SHC3: variants seen among roughly 807,000 people sequenced by gnomAD.
The protein encoded by SHC3 is SHC adaptor protein 3, also known as SHC-transforming protein 3.
A neutral mutation model predicts 60.4 loss-of-function variants in SHC3; 15 were observed. The observed-to-expected ratio is 0.25, with a 90% CI of 0.17 to 0.38. The LOEUF (loss-of-function observed/expected upper bound fraction) is 0.38. SHC3 is among the 10% of genes least tolerant of loss of function. SHC3 has a pLI of 1.00. For missense variants in SHC3, 677 were observed against 786.1 expected (o/e 0.86, Z 1.66); for synonymous variants, 294 against 325.9 (o/e 0.90, Z 1.05).
chr9:89,027,703 G>C (rs7043366), intron 11 of SHC3, among the ~76,000 whole-genome samples: 1 of 152,156 alleles, frequency 6.6e-6, no homozygotes, highest in African/African-American at 2.4e-5. Flanking sequence ...AAAAAGGACA[G>C]TGCAGGAATT....
chr9:89,155,434 G>A (rs1314810399), intron 1 of SHC3, among the ~76,000 whole-genome samples: 1 of 152,108 alleles, frequency 6.6e-6, no homozygotes, highest in Non-Finnish European at 1.5e-5. Flanking sequence ...TGGTCTTGGG[G>A]GTCTCAGCTC....
At chr9:89,059,956 G>A (rs944965975) in intron 6 of SHC3, among the ~76,000 whole-genome samples, 1 of 147,628 alleles carries the variant, frequency 6.8e-6, no homozygotes, top group African/African-American at 2.5e-5. Context: ...AGTGAAGGAC[G>A]CAGTGGAGGA....
rs867619488 is a variant in SHC3, at chr9:89,057,319, T to C, written c.836-5156A>G. ...ATTGATCCAGTTTTCCTTTTTCTTT[T>C]TTTTTTTTTTTTTTTTAATCAGAGA... On this transcript the variant is annotated intron_variant, in intron 6 of 11. Transcript: ENST00000375835. Among the ~76,000 whole-genome samples, 171 of 87,716 alleles carry C rather than the reference T, an allele frequency of 1.9e-3. No individual in the cohort carries two copies. In the Middle Eastern group the frequency reaches 0.049, roughly 25 times the overall value. The allele number at this position is 87,716 out of a possible 152,430, so 57.5% of individuals were successfully genotyped here.
chr9:89,021,409 C>G (rs757547285), intron 11 of SHC3, among the ~76,000 whole-genome samples: 4 of 152,180 alleles, frequency 2.6e-5, no homozygotes, highest in Admixed American at 6.5e-5. Flanking sequence ...TCAATGTCCC[C>G]ACAGCCATGA....
intron 5 of SHC3, among the ~76,000 whole-genome samples, chr9:89,068,118 T>C (rs912000619): frequency 3.3e-5 from 5 of 152,180 alleles, no homozygotes; most frequent in African/African-American, 1.2e-4. Context: ...CAAAACAATA[T>C]TCTTGTCATC....
At chr9:89,048,273 C>T (rs75444696) in intron 7 of SHC3, among the ~76,000 whole-genome samples, 3,358 of 146,404 alleles carry the variant, frequency 0.023, 60 homozygotes, top group Non-Finnish European at 0.036. Flanking sequence ...AAGTACCCAA[C>T]TGTCCATAAA....
rs200111765 is a variant in SHC3, at chr9:89,130,192, G to C, written c.475-17566C>G. Reference sequence around the variant, plus strand: ...GAAGGCCATTACATAATGGTAAAGGGATCAATTCAACAAGAAGAGCTAACT... The same window carrying C: ...GAAGGCCATTACATAATGGTAAAGGCATCAATTCAACAAGAAGAGCTAACT... On this transcript the variant is annotated intron_variant, in intron 1 of 11. Transcript: ENST00000375835. Among the ~76,000 whole-genome samples, 15 of 152,252 alleles carry C rather than the reference G, an allele frequency of 9.9e-5. No individual in the cohort carries two copies. The East Asian group carries it at 2.9e-3, about 29-fold the overall frequency.
At chr9:89,016,211 A>T (rs1161792665) in intron 11 of SHC3, among the ~76,000 whole-genome samples, 1 of 152,152 alleles carries the variant, frequency 6.6e-6, no homozygotes, top group Non-Finnish European at 1.5e-5. Context: ...AAGAAAGAAA[A>T]GAGGGGACCC....
chr9:89,089,646 CT>C (rs539177682), intron 2 of SHC3, among the ~76,000 whole-genome samples: 343 of 152,316 alleles, frequency 2.3e-3, no homozygotes, highest in African/African-American at 7.8e-3. Flanking sequence ...AGAGGAGGGT[CT>C]TAACTCTTCC....
chr9:89,171,862 C>T (rs1403800596), intron 1 of SHC3, among the ~76,000 whole-genome samples: 1 of 152,196 alleles, frequency 6.6e-6, no homozygotes, highest in African/African-American at 2.4e-5. Context: ...GTGGTATCTG[C>T]CAGACCAGCT....
At chr9:89,044,108 T>C (rs1222519148) in intron 9 of SHC3, among the ~76,000 whole-genome samples, 3 of 152,238 alleles carry the variant, frequency 2.0e-5, no homozygotes, top group African/African-American at 7.2e-5. Flanking sequence ...ATAAACCTGA[T>C]ATATTTTACA....
chr9:89,041,446 A>G (rs1437819022), intron 10 of SHC3, among the ~76,000 whole-genome samples: 1 of 152,230 alleles, frequency 6.6e-6, no homozygotes, highest in Admixed American at 6.5e-5. Flanking sequence ...CATCAAGTAG[A>G]ATAGTATTTG....
intron 2 of SHC3, among the ~76,000 whole-genome samples, chr9:89,098,147 G>T (rs777270939): frequency 3.3e-5 from 5 of 152,006 alleles, no homozygotes; most frequent in Non-Finnish European, 7.4e-5. Context: ...TAAAATTGAG[G>T]GAAATTCTAT....
chr9:89,120,840 G>A (rs1205465485), intron 1 of SHC3, among the ~76,000 whole-genome samples: 11 of 148,386 alleles, frequency 7.4e-5, no homozygotes, highest in South Asian at 4.3e-4. Flanking sequence ...ATACAATTCC[G>A]GAAAAAATTA....
In SHC3 at chr9:89,178,548, C is replaced by T. The variant is rs1826983773; in HGVS notation, c.-88G>A. The T allele has an allele frequency of 7.7e-7, 1 of 1,302,202 alleles. No homozygotes were observed. Among genetic ancestry groups the T allele is most frequent in the East Asian group, 2.9e-5 (1 of 35,054 alleles). The allele number at this position is 1,302,202 out of a possible 1,614,324, so 80.7% of individuals were successfully genotyped here. On this transcript the variant is annotated 5_prime_UTR_variant, in exon 1 of 12. Coordinates refer to ENST00000375835, the MANE Select transcript of SHC3 (RefSeq NM_016848.6). This position sits in a 1 kb window ranked among gnomAD's most constrained non-coding sequence, Gnocchi z 6.9. ...CCGCGCATAGCAGGCGAGCCACTGT[C>T]CCCGGAGCGGGACGGAGAGTGGGGG...
intron 11 of SHC3, among the ~76,000 whole-genome samples, chr9:89,018,952 G>A (rs373184636): frequency 4.0e-5 from 6 of 151,438 alleles, no homozygotes; most frequent in African/African-American, 1.2e-4. Context: ...CCAGCTACTC[G>A]GAAGGCTGAG....
intron 1 of SHC3, among the ~76,000 whole-genome samples, chr9:89,173,083 C>T (rs377294301): frequency 4.9e-4 from 75 of 152,366 alleles, no homozygotes; most frequent in African/African-American, 1.5e-3. Context: ...AGAGACCAAC[C>T]CCAGCACAAC....
chr9:89,112,720 A>G (rs1020948359), intron 1 of SHC3, 94 bp from the exon 2 acceptor site: 1 of 1,048,708 alleles, frequency 9.5e-7, no homozygotes, highest in Non-Finnish European at 1.4e-6. Context: ...AGCCATACAC[A>G]TTTCTTAAAT....
intron 5 of SHC3, among the ~76,000 whole-genome samples, chr9:89,069,338 T>C (rs1825233225): frequency 6.6e-6 from 1 of 152,116 alleles, no homozygotes; most frequent in African/African-American, 2.4e-5. Context: ...ACTTCCACTT[T>C]CTGAATATGC....
Sources: allele counts gnomAD v4.1 joint callset (sites outside exome capture counted in the v4.1 genomes callset), GRCh38; gene constraint gnomAD v4.1.1; non-coding constraint Gnocchi (gnomAD v3.1); transcripts MANE v1.5; gene names NCBI Gene and HGNC (gene_info 2026-07-23, HGNC 2026-07-21).